KRABD3: variants seen among roughly 807,000 people sequenced by gnomAD.
KRABD3 encodes KRAB domain containing 3.
At chr7:149,714,979 G>A in the KRABD3 span, 5 of 1,176,134 alleles carry the variant, frequency 4.3e-6, no homozygotes, top group Non-Finnish European at 5.3e-6. Flanking sequence ...CTGGGCCGCC[G>A]CCGACGAGGG....
chr7:149,730,346 G>C, the KRABD3 span: 1 of 1,544,438 alleles, frequency 6.5e-7, no homozygotes, highest in East Asian at 2.4e-5. Flanking sequence ...CCCAGGGTGA[G>C]CCTGTGCGGA....
chr7:149,723,178 C>T, the KRABD3 span, among the ~76,000 whole-genome samples: 13 of 152,350 alleles, frequency 8.5e-5, no homozygotes, highest in African/African-American at 3.1e-4. Context: ...TTCTTCATGT[C>T]TCTTCCTCCT....
At chr7:149,728,381 G>A in the KRABD3 span, 2 of 991,312 alleles carry the variant, frequency 2.0e-6, no homozygotes, top group Admixed American at 2.3e-5. Flanking sequence ...CCGCGCCAGA[G>A]CCAGGACTGA....
chr7:149,724,560 G>T, the KRABD3 span: 1 of 916,586 alleles, frequency 1.1e-6, no homozygotes, highest in Non-Finnish European at 1.5e-6. Context: ...CAGGGGCTTT[G>T]GAAGCCCCTC....
the KRABD3 span, chr7:149,725,526 G>C: frequency 1.3e-6 from 2 of 1,554,244 alleles, no homozygotes; most frequent in Non-Finnish European, 1.7e-6. Context: ...GCATGTCCCT[G>C]AGCGTGGCAG....
the KRABD3 span, chr7:149,723,904 C>T: frequency 1.2e-6 from 2 of 1,611,812 alleles, no homozygotes. Flanking sequence ...AGGCTTCTCG[C>T]TGGGCTGGGA....
chr7:149,729,786 T>C, the KRABD3 span: 1 of 985,260 alleles, frequency 1.0e-6, no homozygotes, highest in Non-Finnish European at 1.2e-6. Context: ...AGCCCCACCC[T>C]TGGGCTGCTG....
chr7:149,715,933 C>T, the KRABD3 span, among the ~76,000 whole-genome samples: 1 of 152,208 alleles, frequency 6.6e-6, no homozygotes, highest in African/African-American at 2.4e-5. Flanking sequence ...CCTCATACCA[C>T]AGTTTCCTGT....
At chr7:149,723,012 C>T in the KRABD3 span, 43 of 1,339,614 alleles carry the variant, frequency 3.2e-5, no homozygotes, top group South Asian at 4.9e-4. Flanking sequence ...ATTTCAACAG[C>T]GATTCCTCCT....
the KRABD3 span, among the ~76,000 whole-genome samples, chr7:149,732,717 G>C: frequency 9.9e-5 from 15 of 152,282 alleles, no homozygotes; most frequent in African/African-American, 3.6e-4. The surrounding 1 kb of genome is among the most constrained non-coding windows in gnomAD (Gnocchi z 4.0). Context: ...TGCCTGTAAC[G>C]AAGAGCACTG....
the KRABD3 span, chr7:149,722,397 G>T: frequency 5.7e-6 from 9 of 1,588,860 alleles, no homozygotes; most frequent in Non-Finnish European, 8.6e-7. Flanking sequence ...GGCTAGAAAG[G>T]CCCTCTTGTC....
At chr7:149,730,266 T>C in the KRABD3 span, 1 of 1,554,292 alleles carries the variant, frequency 6.4e-7, no homozygotes. Context: ...CAGCCCCGGC[T>C]CCAGCTCGAG....
chr7:149,730,859 T>G, the KRABD3 span: 4 of 442,930 alleles, frequency 9.0e-6, no homozygotes, highest in Non-Finnish European at 1.6e-5. Flanking sequence ...TGTGGATGTA[T>G]TTATACAATA....
the KRABD3 span, chr7:149,719,567 T>G: frequency 6.3e-7 from 1 of 1,597,486 alleles, no homozygotes. The surrounding 1 kb of genome is among the most constrained non-coding windows in gnomAD (Gnocchi z 5.6). Context: ...CTTCAAGGAC[T>G]TGGCCGTGCG....
At chr7:149,720,705 G>A in the KRABD3 span, 4 of 962,940 alleles carry the variant, frequency 4.2e-6, no homozygotes, top group Non-Finnish European at 6.1e-6. Context: ...CATGGGACAT[G>A]GTGTCTCCTC....
the KRABD3 span, chr7:149,725,186 C>A: frequency 3.3e-6 from 3 of 915,930 alleles, no homozygotes; most frequent in Non-Finnish European, 4.7e-6. Flanking sequence ...TCCTGCCTGG[C>A]AGGTGCCAGA....
chr7:149,723,676 T>C, the KRABD3 span: 4 of 1,551,306 alleles, frequency 2.6e-6, no homozygotes, highest in Non-Finnish European at 3.5e-6. Context: ...TGTTTGTTGT[T>C]TGTCATGAAG....
At chr7:149,720,352 C>T in the KRABD3 span, among the ~76,000 whole-genome samples, 1 of 152,154 alleles carries the variant, frequency 6.6e-6, no homozygotes, top group Non-Finnish European at 1.5e-5. Flanking sequence ...TGCCTCAGGC[C>T]CCCCACCCAC....
chr7:149,729,816 G>A, the KRABD3 span: 1 of 985,406 alleles, frequency 1.0e-6, no homozygotes, highest in Admixed American at 6.1e-5. Context: ...AGATACTGGG[G>A]TGCAGGGATG....
Sources: allele counts gnomAD v4.1 joint callset (sites outside exome capture counted in the v4.1 genomes callset), GRCh38; gene constraint gnomAD v4.1.1; non-coding constraint Gnocchi (gnomAD v3.1); transcripts MANE v1.5; gene names NCBI Gene and HGNC (gene_info 2026-07-23, HGNC 2026-07-21).